INSYN2A: variants seen among roughly 807,000 people sequenced by gnomAD.
The protein encoded by INSYN2A is inhibitory synaptic factor 2A, also known as family with sequence similarity 196 member A.
INSYN2A carries 17 observed loss-of-function variants against 39.4 expected under a neutral mutation model. The observed-to-expected ratio is 0.43, with a 90% CI of 0.30 to 0.65. The LOEUF is 0.65. INSYN2A is among the 30% of genes least tolerant of loss of function. The pLI, the probability that INSYN2A is intolerant of heterozygous loss-of-function variation, is 0.14. For synonymous variants in INSYN2A, 255 were observed against 265.7 expected, an observed-to-expected ratio of 0.96 and a Z score of 0.39; for missense variants, 595 against 631.2, an observed-to-expected ratio of 0.94 and a Z score of 0.61.
rs1008715013 is a variant in INSYN2A, at chr10:127,136,990, A to G, written c.*847T>C. ...GGTGGATTATCCATCGTGTATCTCT[A>G]TGTATGTTCTCAGATTCTTGCCAGA... On this transcript the variant is annotated 3_prime_UTR_variant, in exon 6 of 6. Coordinates refer to ENST00000522781, the MANE Select transcript of INSYN2A (RefSeq NM_001039762.3). 6.6e-6 allele frequency: 1 copy of G among 152,574 alleles called. No homozygotes were observed. The highest frequency in any genetic ancestry group is 2.4e-5 in the African/African-American group (1 of 41,428). 9.5% of individuals were successfully genotyped at this position (152,574 alleles called of 1,614,324 possible).
At chr10:127,184,948 A>G (rs2056091437) in intron 2 of INSYN2A, among the ~76,000 whole-genome samples, 1 of 152,288 alleles carries the variant, frequency 6.6e-6, no homozygotes, top group Middle Eastern at 3.4e-3. Flanking sequence ...AAAACAAGGC[A>G]TACTCTTTGG....
intron 2 of INSYN2A, among the ~76,000 whole-genome samples, chr10:127,185,531 C>G (rs536037791): frequency 3.7e-4 from 57 of 152,282 alleles, no homozygotes; most frequent in African/African-American, 1.3e-3. Flanking sequence ...TCACAGTATC[C>G]TTAGAGCTGG....
intron 4 of INSYN2A, among the ~76,000 whole-genome samples, chr10:127,164,943 A>G (rs1271116507): frequency 6.6e-6 from 1 of 152,236 alleles, no homozygotes; most frequent in African/African-American, 2.4e-5. Context: ...TTTCCAGCTG[A>G]GGCCGAGTTG....
At chr10:127,159,180 G>A (rs2053363357) in intron 4 of INSYN2A, among the ~76,000 whole-genome samples, 1 of 152,180 alleles carries the variant, frequency 6.6e-6, no homozygotes, top group African/African-American at 2.4e-5. Flanking sequence ...TGGTTTTTGT[G>A]GAGTCCAGTT....
intron 5 of INSYN2A, among the ~76,000 whole-genome samples, chr10:127,138,820 T>C (rs904588101): frequency 1.3e-5 from 2 of 152,246 alleles, no homozygotes; most frequent in African/African-American, 2.4e-5. Context: ...TGTTATTTCT[T>C]ACAGCATTTC....
intron 2 of INSYN2A, among the ~76,000 whole-genome samples, chr10:127,187,449 C>G (rs143299836): frequency 1.3e-3 from 195 of 152,228 alleles, no homozygotes; most frequent in African/African-American, 4.4e-3. Context: ...CTCACATGAC[C>G]CCTGTATGCT....
At chr10:127,153,801 A>G (rs376140868) in intron 5 of INSYN2A, 51 bp downstream of exon 5, 9 of 1,405,142 alleles carry the variant, frequency 6.4e-6, no homozygotes, top group South Asian at 3.5e-5. Context: ...GTGGGTAAAC[A>G]TCATTTGTCA....
intron 2 of INSYN2A, among the ~76,000 whole-genome samples, chr10:127,177,476 TGTGA>T (rs879061390): frequency 6.6e-6 from 1 of 152,368 alleles, no homozygotes; most frequent in Admixed American, 6.5e-5. Flanking sequence ...GTGTGTTGTT[TGTGA>T]GTGAGGCTTC....
chr10:127,151,520 A>G (rs1023360375), intron 5 of INSYN2A, among the ~76,000 whole-genome samples: 1 of 152,126 alleles, frequency 6.6e-6, no homozygotes, highest in African/African-American at 2.4e-5. Context: ...CTCTTCCTCA[A>G]ACACTACCTC....
intron 4 of INSYN2A, among the ~76,000 whole-genome samples, chr10:127,173,002 T>C (rs994619163): frequency 6.6e-6 from 1 of 152,190 alleles, no homozygotes; most frequent in Non-Finnish European, 1.5e-5. Context: ...GCCACTGTAT[T>C]GGATAGAGCA....
chr10:127,137,003 G>C lies in INSYN2A; in HGVS notation c.*834C>G, dbSNP rs1017364933. ...TCGTGTATCTCTATGTATGTTCTCAGATTCTTGCCAGAATGTATTATTTGG... is the reference window on the plus strand; with the variant it reads ...TCGTGTATCTCTATGTATGTTCTCACATTCTTGCCAGAATGTATTATTTGG... On this transcript the variant is annotated 3_prime_UTR_variant, in exon 6 of 6. Coordinates refer to ENST00000522781, the MANE Select transcript of INSYN2A (RefSeq NM_001039762.3). 2 of 152,618 alleles carry C rather than the reference G, an allele frequency of 1.3e-5. No homozygotes were observed. The highest frequency in any genetic ancestry group is 1.9e-4 in the East Asian group (1 of 5,200). The allele number at this position is 152,618 out of a possible 1,614,324, so 9.5% of individuals were successfully genotyped here.
chr10:127,193,428 G>A (rs1329662645), intron 1 of INSYN2A, among the ~76,000 whole-genome samples: 2 of 152,150 alleles, frequency 1.3e-5, no homozygotes, highest in African/African-American at 4.8e-5. Flanking sequence ...GCCCTCCTAC[G>A]TAAATATCTG....
At chr10:127,170,888 A>G (rs1040619743) in intron 4 of INSYN2A, among the ~76,000 whole-genome samples, 8 of 152,236 alleles carry the variant, frequency 5.3e-5, no homozygotes, top group Admixed American at 5.2e-4. Flanking sequence ...GCAAGCCCGC[A>G]CTGCATAAAG....
intron 1 of INSYN2A, among the ~76,000 whole-genome samples, chr10:127,195,756 G>A (rs1360366190): frequency 6.6e-6 from 1 of 152,126 alleles, no homozygotes; most frequent in Non-Finnish European, 1.5e-5. Context: ...GCCCCTCAGC[G>A]ACCCGGTCGC....
intron 2 of INSYN2A, among the ~76,000 whole-genome samples, chr10:127,188,585 T>C (rs1358489565): frequency 1.3e-5 from 2 of 152,186 alleles, no homozygotes; most frequent in Non-Finnish European, 2.9e-5. Flanking sequence ...CTTCCCATGC[T>C]ACCATGGTTT....
At position 127,142,779 on chromosome 10, in the gene INSYN2A, G is replaced by T. The variant is rs144008497; in HGVS notation, c.1257-4759C>A. On this transcript the variant is annotated intron_variant, in intron 5 of 5. Coordinates refer to ENST00000522781, the MANE Select transcript of INSYN2A (RefSeq NM_001039762.3). ...TGTGCCCTGGGGCTGTGTCGCCCTC[G>T]CTGTGCTCTTGGCAAGTCCCTGTGA... Among the ~76,000 whole-genome samples the T allele has an allele frequency of 1.5e-3, 226 of 152,290 alleles. 1 individual carries two copies. The highest frequency in any genetic ancestry group is 0.014 in the Middle Eastern group (4 of 294).
intron 4 of INSYN2A, among the ~76,000 whole-genome samples, chr10:127,163,932 G>A: frequency 6.6e-6 from 1 of 151,388 alleles, no homozygotes; most frequent in Non-Finnish European, 1.5e-5. Flanking sequence ...CAGCTCCCCA[G>A]ATGTGGTGAC....
intron 2 of INSYN2A, among the ~76,000 whole-genome samples, chr10:127,187,123 A>G (rs1448692114): frequency 2.6e-5 from 4 of 152,242 alleles, no homozygotes; most frequent in African/African-American, 7.2e-5. Flanking sequence ...GACATCATAC[A>G]GTTTCCTGTT....
intron 5 of INSYN2A, among the ~76,000 whole-genome samples, chr10:127,148,964 C>CA (rs2052194762): frequency 6.6e-6 from 1 of 152,110 alleles, no homozygotes; most frequent in South Asian, 2.1e-4. Context: ...TCAGAAAGAT[C>CA]ACGTTTGGTA....
Sources: allele counts gnomAD v4.1 joint callset (sites outside exome capture counted in the v4.1 genomes callset), GRCh38; gene constraint gnomAD v4.1.1; transcripts MANE v1.5; gene names NCBI Gene and HGNC (gene_info 2026-07-23, HGNC 2026-07-21).